The following DLG2 variants were observed in gnomAD, a reference collection of about 807,000 sequenced individuals.
The protein encoded by DLG2 is discs large MAGUK scaffold protein 2, also known as disks large homolog 2.
Under a neutral mutation model 132.5 loss-of-function variants are expected in DLG2, and 45 were observed. The observed-to-expected ratio is 0.34, with a 90% CI of 0.27 to 0.44. The LOEUF (loss-of-function observed/expected upper bound fraction) is 0.44. Among genes scored for constraint, DLG2 ranks in the 20% least tolerant of loss-of-function variants. The pLI is 1.00. For synonymous variants in DLG2, 424 were observed against 419.6 expected (o/e 1.01, Z -0.13); for missense variants, 1,045 against 1,196.9 (o/e 0.87, Z 1.87).
chr11:84,538,323 C>T (rs972442480), intron 6 of DLG2, among the ~76,000 whole-genome samples: 4 of 152,204 alleles, frequency 2.6e-5, no homozygotes, highest in Admixed American at 6.5e-5. Flanking sequence ...GTAGCAGATG[C>T]TATTGTGTCC....
chr11:85,354,621 A>G (rs1210584637), intron 3 of DLG2, among the ~76,000 whole-genome samples: 3 of 151,958 alleles, frequency 2.0e-5, no homozygotes, highest in African/African-American at 4.8e-5. Flanking sequence ...TGAGGGTTGA[A>G]TATCATCTTG....
At chr11:84,063,649 A>G (rs1014839935) in intron 10 of DLG2, among the ~76,000 whole-genome samples, 4 of 152,176 alleles carry the variant, frequency 2.6e-5, no homozygotes, top group Admixed American at 6.5e-5. Context: ...TGCTGCTATA[A>G]AGACACATGC....
At chr11:85,161,752 C>T (rs542327078) in intron 4 of DLG2, among the ~76,000 whole-genome samples, 51 of 152,260 alleles carry the variant, frequency 3.3e-4, no homozygotes, top group African/African-American at 1.2e-3. Flanking sequence ...ATTGACAGAA[C>T]GGTGGAATAT....
In DLG2 at chr11:83,517,453, G is replaced by T. The variant is rs2095334563; in HGVS notation, c.2193+15255C>A. 2.0e-5 allele frequency among the ~76,000 whole-genome samples: 3 copies of T among 152,186 alleles called. 1 individual carries two copies. In the South Asian group the frequency reaches 6.2e-4, roughly 32 times the overall value. ...TTTCTTCAAGGTTTTTAACTTCTTT[G>T]CCATGGGTTCAAACTTCCTTCTTTA... On this transcript the variant is annotated intron_variant, in intron 21 of 27. Transcript: ENST00000376104.
intron 3 of DLG2, among the ~76,000 whole-genome samples, chr11:85,420,019 T>A (rs1288263186): frequency 6.6e-6 from 1 of 152,194 alleles, no homozygotes; most frequent in Non-Finnish European, 1.5e-5. Flanking sequence ...GGCATTCTGG[T>A]TTTTGGAATT....
chr11:84,259,143 G>A (rs751453776), intron 7 of DLG2, among the ~76,000 whole-genome samples: 9 of 151,786 alleles, frequency 5.9e-5, no homozygotes, highest in Non-Finnish European at 1.3e-4. Flanking sequence ...ATGGGGGTGG[G>A]TGCCTGTAAC....
chr11:85,208,506 G>T (rs1284788096), intron 4 of DLG2, among the ~76,000 whole-genome samples: 1 of 151,552 alleles, frequency 6.6e-6, no homozygotes, highest in East Asian at 1.9e-4. Context: ...ACCTTCTATT[G>T]TAACTAAGCA....
At chr11:84,680,493 T>C (rs1234655220) in intron 6 of DLG2, among the ~76,000 whole-genome samples, 2 of 152,158 alleles carry the variant, frequency 1.3e-5, no homozygotes, top group African/African-American at 2.4e-5. Context: ...AGGATACTAT[T>C]CTATTATTCA....
chr11:84,591,223 CTGTGTGTGTG>C lies in DLG2; in HGVS notation c.358-56502_358-56493del, dbSNP rs781411791. On this transcript the variant is annotated intron_variant, in intron 6 of 27. Coordinates refer to ENST00000376104, the MANE Select transcript of DLG2 (RefSeq NM_001142699.3). The stretch of plus-strand genomic sequence containing the variant: ...TAAACACTGCTATATATGTGTCTCT[CTGTGTGTGTG>C]TGTGTGTGTGTGTGTGTGTGTGTGC... Among the ~76,000 whole-genome samples, 8 of 139,222 alleles carry C rather than the reference CTGTGTGTGTG, an allele frequency of 5.7e-5. No homozygotes were observed. In the East Asian group the frequency reaches 8.3e-4, roughly 14 times the overall value. The allele number at this position is 139,222 out of a possible 152,430, so 91.3% of individuals were successfully genotyped here. A position where few individuals can be genotyped will look rare whatever the true frequency, so the allele number is the denominator to read the frequency against.
intron 15 of DLG2, among the ~76,000 whole-genome samples, chr11:83,925,101 C>CT (rs2078715691): frequency 6.6e-6 from 1 of 152,074 alleles, no homozygotes; most frequent in Admixed American, 6.6e-5. Flanking sequence ...TCTCCATACT[C>CT]TGAGTTCCCA....
chr11:84,640,358 C>T, intron 6 of DLG2: 2 of 341,488 alleles, frequency 5.9e-6, no homozygotes, highest in Non-Finnish European at 5.5e-6. Context: ...AATAAATCCT[C>T]AGGGTTTGGA....
intron 3 of DLG2, among the ~76,000 whole-genome samples, chr11:85,454,612 T>C (rs1434054543): frequency 6.6e-6 from 1 of 152,206 alleles, no homozygotes; most frequent in Admixed American, 6.5e-5. Flanking sequence ...TGCCAGGTCC[T>C]ATGTCCAGAA....
At chr11:84,628,289 G>A (rs1429309102) in intron 6 of DLG2, among the ~76,000 whole-genome samples, 1 of 151,916 alleles carries the variant, frequency 6.6e-6, no homozygotes, top group Non-Finnish European at 1.5e-5. Context: ...CATTGCCAAG[G>A]AACTATTCTC....
intron 18 of DLG2, among the ~76,000 whole-genome samples, chr11:83,654,732 A>T (rs2071796856): frequency 6.6e-6 from 1 of 152,262 alleles, no homozygotes; most frequent in African/African-American, 2.4e-5. Flanking sequence ...AAATACGTCT[A>T]TAGAAATGAA....
At chr11:84,709,594 T>C (rs1173952899) in intron 6 of DLG2, among the ~76,000 whole-genome samples, 1 of 151,890 alleles carries the variant, frequency 6.6e-6, no homozygotes, top group Admixed American at 6.6e-5. Context: ...CACAATACTT[T>C]GCAGTGCCAA....
intron 7 of DLG2, among the ~76,000 whole-genome samples, chr11:84,320,042 A>G (rs1251779470): frequency 6.6e-6 from 1 of 152,188 alleles, no homozygotes; most frequent in Non-Finnish European, 1.5e-5. Context: ...ATCCAATTTG[A>G]TCAACTATAA....
intron 7 of DLG2, among the ~76,000 whole-genome samples, chr11:84,328,263 G>C (rs776978020): frequency 2.2e-4 from 33 of 151,884 alleles, no homozygotes; most frequent in Non-Finnish European, 4.3e-4. Flanking sequence ...GGAAAAAAAG[G>C]AGGAAGGAAG....
Position 83,483,199 on chromosome 11 carries a change from CAAAAGG to C in DLG2, c.2293+924_2293+929del. ...CAGGAAAAGGAACAAAAGCCAAACT[CAAAAGG>C]AAAGGAAAAGAAAAGAAAAGTTACA... On this transcript the variant is annotated intron_variant, in intron 22 of 27. Coordinates refer to ENST00000376104, the MANE Select transcript of DLG2 (RefSeq NM_001142699.3). 9.2e-6 allele frequency: 14 copies of C among 1,513,808 alleles called. No homozygotes were observed. In the South Asian group the frequency reaches 1.6e-4, roughly 17 times the overall value. 93.8% of individuals were successfully genotyped at this position (1,513,808 alleles called of 1,614,324 possible). A position where few individuals can be genotyped will look rare whatever the true frequency, so the allele number is the denominator to read the frequency against.
At position 84,812,423 on chromosome 11, in the gene DLG2, T is replaced by G. The variant is rs142022235; in HGVS notation, c.358-277692A>C. 1.3e-3 allele frequency among the ~76,000 whole-genome samples: 204 copies of G among 152,242 alleles called. 1 individual carries two copies. The East Asian group carries it at 0.02, about 15-fold the overall frequency. ...CAGAATAGTATCTGATACTTTTGTG[T>G]GCACAATAAAATTTTTTTAAAGCCT... is the stretch of plus-strand genomic sequence containing the variant. On this transcript the variant is annotated intron_variant, in intron 6 of 27. Coordinates refer to ENST00000376104, the MANE Select transcript of DLG2 (RefSeq NM_001142699.3).
Sources: allele counts gnomAD v4.1 joint callset (sites outside exome capture counted in the v4.1 genomes callset), GRCh38; gene constraint gnomAD v4.1.1; transcripts MANE v1.5; gene names NCBI Gene and HGNC (gene_info 2026-07-23, HGNC 2026-07-21).